Variants in SCAPER observed in about 807,000 individuals in gnomAD.
SCAPER encodes the protein S-phase cyclin A associated protein in the ER.
A neutral mutation model predicts 182.2 loss-of-function variants in SCAPER; 98 were observed. That is an observed-to-expected ratio of 0.54 (90% CI 0.46 to 0.64). SCAPER has a LOEUF of 0.64. SCAPER is among the 30% of genes least tolerant of loss of function. The probability of loss-of-function intolerance (pLI) is 0.00; values close to 1 mark genes in which losing one functional copy is unlikely to be tolerated. For synonymous variants in SCAPER, 605 were observed against 564.6 expected, an observed-to-expected ratio of 1.07 and a Z score of -1.01; for missense variants, 1,432 against 1,690.0, an observed-to-expected ratio of 0.85 and a Z score of 2.68.
Position 76,594,871 on chromosome 15 carries a change from A to C in SCAPER, c.2712-20587T>G, listed in dbSNP as rs1256445748. On this transcript the variant is annotated intron_variant, in intron 22 of 31. Coordinates refer to ENST00000563290, the MANE Select transcript of SCAPER (RefSeq NM_020843.4). The stretch of plus-strand genomic sequence containing the variant: ...ACAACCGGTACCAGCCACTGCAAAA[A>C]CATATTAAACTGTAAAGACCATCAA... 3.3e-5 allele frequency among the ~76,000 whole-genome samples: 4 copies of C among 121,722 alleles called. No individual in the cohort carries two copies. In the Admixed American group the frequency reaches 3.7e-4, roughly 11 times the overall value. 79.9% of individuals were successfully genotyped at this position (121,722 alleles called of 152,430 possible). A position where few individuals can be genotyped will look rare whatever the true frequency, so the allele number is the denominator to read the frequency against.
Position 76,354,359 on chromosome 15 carries a change from A to G in SCAPER, c.3856-219T>C. 1 of 479,904 alleles carries G rather than the reference A, an allele frequency of 2.1e-6. No homozygotes were observed. The highest frequency in any genetic ancestry group is 3.6e-6 in the Non-Finnish European group (1 of 278,160). 29.7% of individuals were successfully genotyped at this position (479,904 alleles called of 1,614,324 possible). A position where few individuals can be genotyped will look rare whatever the true frequency, so the allele number is the denominator to read the frequency against. ...AAGGAAAAGATCCTGAAAGTTTTGC[A>G]CTCATTTAAAAGTTATTATAATCCA... On this transcript the variant is annotated intron_variant, in intron 29 of 31. Coordinates refer to ENST00000563290, the MANE Select transcript of SCAPER (RefSeq NM_020843.4). This position sits in a 1 kb window ranked among gnomAD's most constrained non-coding sequence, Gnocchi z 4.4.
chr15:76,775,484 A>G (rs553837043), intron 8 of SCAPER, among the ~76,000 whole-genome samples: 1 of 152,294 alleles, frequency 6.6e-6, no homozygotes, highest in Non-Finnish European at 1.5e-5. Flanking sequence ...CATTTAAGCA[A>G]TGAGGAAACT....
chr15:76,833,171 C>G (rs1009636216), intron 5 of SCAPER, among the ~76,000 whole-genome samples: 5 of 152,186 alleles, frequency 3.3e-5, no homozygotes, highest in African/African-American at 1.2e-4. Flanking sequence ...AGGCTTACAG[C>G]AGACCTTTCA....
rs2040318887 is a variant in SCAPER at position 76,348,548 on chromosome 15, G to C, written c.*85C>G. 5.5e-6 allele frequency: 5 copies of C among 902,152 alleles called. No individual in the cohort carries two copies. The highest frequency in any genetic ancestry group is 1.7e-5 in the African/African-American group (1 of 59,436). The allele number at this position is 902,152 out of a possible 1,614,324, so 55.9% of individuals were successfully genotyped here. A position where few individuals can be genotyped will look rare whatever the true frequency, so the allele number is the denominator to read the frequency against. ...GGGAAGAGTATAAACATGGGAAAATGAGTTCTTAAGGAACAATTAGAATGT... is the reference window on the plus strand; with the variant it reads ...GGGAAGAGTATAAACATGGGAAAATCAGTTCTTAAGGAACAATTAGAATGT... On this transcript the variant is annotated 3_prime_UTR_variant, in exon 32 of 32. Transcript: ENST00000563290.
intron 6 of SCAPER, 80 bp downstream of exon 6, chr15:76,804,453 G>A: frequency 1.1e-6 from 1 of 870,728 alleles, no homozygotes; most frequent in South Asian, 1.7e-5. Flanking sequence ...CTCAATATGA[G>A]GTTAAGTTTA....
intron 22 of SCAPER, among the ~76,000 whole-genome samples, chr15:76,615,899 T>C (rs569681721): frequency 1.0e-4 from 15 of 150,502 alleles, no homozygotes; most frequent in African/African-American, 3.7e-4. Flanking sequence ...GTTAGGTAAA[T>C]GCAATCCGAA....
At chr15:76,744,781 G>A (rs759930240) in intron 15 of SCAPER, among the ~76,000 whole-genome samples, 1 of 152,052 alleles carries the variant, frequency 6.6e-6, no homozygotes, top group Admixed American at 6.5e-5. Flanking sequence ...TCCATTACTG[G>A]GGATATACCC....
At chr15:76,896,614 GA>G (rs1206977278) in intron 1 of SCAPER, among the ~76,000 whole-genome samples, 1 of 151,914 alleles carries the variant, frequency 6.6e-6, no homozygotes, top group Non-Finnish European at 1.5e-5. Context: ...CACAGAAAGA[GA>G]AAAAACAATC....
intron 24 of SCAPER, among the ~76,000 whole-genome samples, chr15:76,487,542 T>G (rs2051777749): frequency 6.6e-6 from 1 of 152,114 alleles, no homozygotes; most frequent in Non-Finnish European, 1.5e-5. Flanking sequence ...TAACAACATA[T>G]CAATGTTGGT....
At chr15:76,625,816 C>G (rs575045707) in intron 21 of SCAPER, among the ~76,000 whole-genome samples, 1 of 152,256 alleles carries the variant, frequency 6.6e-6, no homozygotes, top group South Asian at 2.1e-4. Flanking sequence ...TTTCCCCACA[C>G]TGGGGAGCCT....
rs1201756410 is a variant in SCAPER, at chr15:76,694,922, C to T, written c.2508+6836G>A. Among the ~76,000 whole-genome samples the T allele has an allele frequency of 3.3e-5, 5 of 152,014 alleles. No homozygotes were observed. In the South Asian group the frequency reaches 1.0e-3, roughly 31 times the overall value. Reference sequence around the variant, plus strand: ...ATTTTGCAATTTTGCCCAAAAAATACTTTTTGCTGTAAAGGAAAAAACCAA... The same window carrying T: ...ATTTTGCAATTTTGCCCAAAAAATATTTTTTGCTGTAAAGGAAAAAACCAA... On this transcript the variant is annotated intron_variant, in intron 20 of 31. Coordinates refer to ENST00000563290, the MANE Select transcript of SCAPER (RefSeq NM_020843.4).
chr15:76,847,755 T>C (rs914665693), intron 4 of SCAPER, among the ~76,000 whole-genome samples: 1 of 151,996 alleles, frequency 6.6e-6, no homozygotes, highest in Non-Finnish European at 1.5e-5. Context: ...ACCCTATTTC[T>C]ACAAAAAATG....
intron 29 of SCAPER, among the ~76,000 whole-genome samples, chr15:76,366,547 G>A (rs543847122): frequency 4.6e-5 from 7 of 152,220 alleles, no homozygotes; most frequent in Admixed American, 3.3e-4. Context: ...TCATCTCTCT[G>A]CTCTAAGTAT....
intron 26 of SCAPER, among the ~76,000 whole-genome samples, chr15:76,406,334 C>A (rs1040088579): frequency 6.6e-6 from 1 of 151,900 alleles, no homozygotes; most frequent in Non-Finnish European, 1.5e-5. Flanking sequence ...AAAAATTAGC[C>A]AGGCATGGTG....
chr15:76,507,318 C>T (rs1327557405), intron 23 of SCAPER, among the ~76,000 whole-genome samples: 1 of 152,058 alleles, frequency 6.6e-6, no homozygotes, highest in Admixed American at 6.6e-5. Flanking sequence ...CAGGAGAAAC[C>T]AAACCTGTTG....
chr15:76,480,472 A>G (rs561860455), intron 24 of SCAPER, among the ~76,000 whole-genome samples: 2 of 152,330 alleles, frequency 1.3e-5, no homozygotes, highest in African/African-American at 4.8e-5. Flanking sequence ...ACCTGAAAGC[A>G]CGTACCAATT....
chr15:76,585,421 T>C (rs1187212289), intron 22 of SCAPER, among the ~76,000 whole-genome samples: 1 of 152,150 alleles, frequency 6.6e-6, no homozygotes, highest in African/African-American at 2.4e-5. Context: ...TTACTGACCT[T>C]ATGTGGAAGA....
Position 76,792,173 on chromosome 15 carries a change from G to C in SCAPER, c.772+3107C>G, listed in dbSNP as rs115549341. ...AAATGATTTTAAAGTACACCCACAG[G>C]AAATTCAGATATAAAGGTAATATTG... is the stretch of plus-strand genomic sequence containing the variant. On this transcript the variant is annotated intron_variant, in intron 8 of 31. Transcript: ENST00000563290. 8.1e-3 allele frequency among the ~76,000 whole-genome samples: 1,227 copies of C among 151,908 alleles called. 12 individuals carry two copies. Among genetic ancestry groups the C allele is most frequent in the African/African-American group, 0.028 (1,163 of 41,432 alleles).
chr15:76,713,561 T>A (rs989592455), intron 17 of SCAPER, among the ~76,000 whole-genome samples: 2 of 150,976 alleles, frequency 1.3e-5, no homozygotes, highest in African/African-American at 4.9e-5. Context: ...TTCTTACTCA[T>A]AGGTGGGAAA....
Sources: gnomAD v4.1 joint callset for allele counts (sites outside exome capture counted in the v4.1 genomes callset) on GRCh38, gnomAD v4.1.1 for gene constraint, Gnocchi (gnomAD v3.1) non-coding constraint, MANE v1.5 for transcripts, NCBI Gene and HGNC (gene_info 2026-07-23, HGNC 2026-07-21) for gene names.